Variants in AFF2 observed in about 807,000 individuals in gnomAD.
AFF2 encodes AF4/FMR2 family member 2.
AFF2 carries 14 observed loss-of-function variants against 76.9 expected under a neutral mutation model. The observed-to-expected ratio is 0.18, with a 90% CI of 0.12 to 0.28. The LOEUF (loss-of-function observed/expected upper bound fraction) is 0.28, where lower values mean the gene tolerates loss of function less well. Ranked by LOEUF, AFF2 falls within the 10% of genes least tolerant of loss-of-function variation. AFF2 has a pLI of 1.00. For missense variants in AFF2, 868 were observed against 1,001.1 expected, an observed-to-expected ratio of 0.87 and a Z score of 1.79; for synonymous variants, 398 against 366.7, an observed-to-expected ratio of 1.09 and a Z score of -0.98.
At chrX:148,851,446 C>T (rs1183648108) in intron 7 of AFF2, among the ~76,000 whole-genome samples, 2 of 111,899 alleles carry the variant, frequency 1.8e-5, no homozygotes, top group Non-Finnish European at 3.8e-5. Flanking sequence ...TTCTGAAAAC[C>T]AAAAGAATAA....
In AFF2 at chrX:148,651,084, G is replaced by A. The variant is rs191667674; in HGVS notation, c.48-915G>A. 3.6e-5 allele frequency among the ~76,000 whole-genome samples: 4 copies of A among 112,170 alleles called. No individual in the cohort carries two copies. In the East Asian group the frequency reaches 1.1e-3, roughly 32 times the overall value. ...TGAATAAAATAAGATACACCACTAC[G>A]AGACTTAGATTATGGCTTAATTTGC... On this transcript the variant is annotated intron_variant, in intron 1 of 20. Transcript: ENST00000370460.
At chrX:148,508,401 G>A (rs2052447341) in intron 1 of AFF2, among the ~76,000 whole-genome samples, 1 of 111,614 alleles carries the variant, frequency 9.0e-6, no homozygotes, top group Admixed American at 9.5e-5. Flanking sequence ...TATGCTACTT[G>A]TTTTGTAGTG....
intron 1 of AFF2, among the ~76,000 whole-genome samples, chrX:148,599,762 T>G (rs2053608885): frequency 8.9e-6 from 1 of 112,045 alleles, no homozygotes; most frequent in Non-Finnish European, 1.9e-5. Context: ...ATGTAGTTAT[T>G]TATGATAGAG....
At chrX:148,848,947 T>C (rs1557275020) in intron 7 of AFF2, among the ~76,000 whole-genome samples, 2 of 111,628 alleles carry the variant, frequency 1.8e-5, no homozygotes, top group African/African-American at 6.5e-5. Flanking sequence ...GAAAACAAAA[T>C]TTGGCAGCCT....
In AFF2 at chrX:148,956,041, C is replaced by G; in HGVS notation, c.1996C>G (p.Pro666Ala). 1 of 1,211,173 alleles carries G rather than the reference C, an allele frequency of 8.3e-7. No individual in the cohort carries two copies. The highest frequency in any genetic ancestry group is 1.8e-5 in the South Asian group (1 of 56,875). Residue 666 changes from proline to alanine, a missense_variant, in exon 11 of 21, where the codon CCA becomes GCA. Coordinates refer to ENST00000370460, the MANE Select transcript of AFF2 (RefSeq NM_002025.4). ...AAAAGAAAGTGTGGAGCTTCATGAC[C>G]CACCAAGAGGCCGCAACAAAGCCAC... The part of the protein sequence containing the change: ...KEKESVELHD[P>A]PRGRNKATAH...
At chrX:148,936,621 C>A (rs2071778355) in intron 9 of AFF2, among the ~76,000 whole-genome samples, 1 of 112,475 alleles carries the variant, frequency 8.9e-6, no homozygotes, top group Admixed American at 9.4e-5. Flanking sequence ...TTTATCATTC[C>A]CTATGCCTCC....
chrX:148,803,966 C>T (rs1055051759), intron 3 of AFF2, among the ~76,000 whole-genome samples: 2 of 111,154 alleles, frequency 1.8e-5, no homozygotes, highest in Admixed American at 9.6e-5. Flanking sequence ...ACACTGGGAC[C>T]CTGAATAGGA....
At position 148,931,043 on chromosome X, in the gene AFF2, A is replaced by G. The variant is rs782478033; in HGVS notation, c.1398-22537A>G. ...CGAGGTGGGTGGATCACGTGAGGTC[A>G]GGAGATCGAGACCATCCTGGGTAAC... On this transcript the variant is annotated intron_variant, in intron 9 of 20. Transcript: ENST00000370460. 2.7e-5 allele frequency among the ~76,000 whole-genome samples: 3 copies of G among 110,717 alleles called. No individual in the cohort carries two copies. In the East Asian group the frequency reaches 8.5e-4, roughly 31 times the overall value.
chrX:148,708,351 C>G (rs1264536520), intron 3 of AFF2, among the ~76,000 whole-genome samples: 7 of 111,899 alleles, frequency 6.3e-5, no homozygotes, highest in South Asian at 3.7e-4. Flanking sequence ...CAACTACTCA[C>G]ATGTACCATT....
chrX:148,969,317 T>C (rs2072219449), intron 15 of AFF2, among the ~76,000 whole-genome samples: 1 of 112,569 alleles, frequency 8.9e-6, no homozygotes, highest in Non-Finnish European at 1.9e-5. Context: ...TGCAATGGGG[T>C]GTGACCCTCC....
intron 4 of AFF2, among the ~76,000 whole-genome samples, chrX:148,828,802 C>T (rs781830714): frequency 1.5e-3 from 164 of 112,132 alleles, no homozygotes; most frequent in Middle Eastern, 9.2e-3. Flanking sequence ...CATATATGTT[C>T]CTGTTGTATT....
rs1557292446 is a variant in AFF2 at position 148,992,487 on chromosome X, CTTTG to C, written c.*1160_*1163del. 1 of 111,727 alleles carries C rather than the reference CTTTG, an allele frequency of 9.0e-6. No individual in the cohort carries two copies. Among genetic ancestry groups the C allele is most frequent in the Non-Finnish European group, 1.9e-5 (1 of 53,133 alleles). The allele number at this position is 111,727 out of a possible 1,213,427, so 9.2% of individuals were successfully genotyped here. A position where few individuals can be genotyped will look rare whatever the true frequency, so the allele number is the denominator to read the frequency against. On this transcript the variant is annotated 3_prime_UTR_variant, in exon 21 of 21. Transcript: ENST00000370460. ...TTTCTCTTATCTGTGTTTCCCTTTC[CTTTG>C]TTTGGCTCATTAACTTTTGACTGAA...
intron 12 of AFF2, 133 bp from the exon 13 acceptor site, chrX:148,962,582 G>A (rs2072122009): frequency 4.2e-6 from 2 of 474,652 alleles, no homozygotes; most frequent in Non-Finnish European, 7.0e-6. Context: ...TGCATTTTTA[G>A]ATATGCTCTT....
chrX:148,517,134 T>C (rs2052544729), intron 1 of AFF2, among the ~76,000 whole-genome samples: 1 of 111,348 alleles, frequency 9.0e-6, no homozygotes, highest in Non-Finnish European at 1.9e-5. Context: ...GCCCCTGGAG[T>C]CAGACCATTA....
chrX:148,733,322 G>T (rs1386955126), intron 3 of AFF2, among the ~76,000 whole-genome samples: 2 of 110,838 alleles, frequency 1.8e-5, no homozygotes, highest in South Asian at 7.6e-4. Flanking sequence ...GTCATCTTAG[G>T]TACTAAGTAC....
intron 1 of AFF2, among the ~76,000 whole-genome samples, chrX:148,593,880 T>A (rs955989380): frequency 1.2e-4 from 13 of 111,197 alleles, no homozygotes; most frequent in Admixed American, 6.7e-4. Flanking sequence ...GTATGAACAA[T>A]CAGCATGGAA....
intron 8 of AFF2, among the ~76,000 whole-genome samples, chrX:148,901,237 C>A (rs1001718666): frequency 8.9e-6 from 1 of 111,736 alleles, no homozygotes; most frequent in African/African-American, 3.2e-5. Context: ...CCACTCTAGC[C>A]TATTACCTCT....
rs1420220146 is a variant in AFF2, at chrX:148,683,545, T to TG, written c.1041+20779dup. On this transcript the variant is annotated intron_variant, in intron 3 of 20. Coordinates refer to ENST00000370460, the MANE Select transcript of AFF2 (RefSeq NM_002025.4). ...CGAATGAAGAGGTCTGAAATGCTTC[T>TG]GGAGTACTTCTATGTCAGTTTTGCT... Among the ~76,000 whole-genome samples the TG allele has an allele frequency of 3.6e-5, 4 of 112,354 alleles. No homozygotes were observed. In the East Asian group the frequency reaches 1.1e-3, roughly 32 times the overall value.
intron 3 of AFF2, among the ~76,000 whole-genome samples, chrX:148,791,770 A>G (rs2069898391): frequency 9.0e-6 from 1 of 111,493 alleles, no homozygotes; most frequent in South Asian, 3.7e-4. Context: ...TGTATTGGCC[A>G]TAGTGGTTAT....
Sources: gnomAD v4.1 joint callset for allele counts (sites outside exome capture counted in the v4.1 genomes callset) on GRCh38, gnomAD v4.1.1 for gene constraint, MANE v1.5 for transcripts, NCBI Gene and HGNC (gene_info 2026-07-23, HGNC 2026-07-21) for gene names.